The following DNAH9 variants were observed in gnomAD, a reference collection of about 807,000 sequenced individuals.
The protein encoded by DNAH9 is dynein axonemal heavy chain 9.
DNAH9 carries 345 observed loss-of-function variants against 471.6 expected under a neutral mutation model. The observed-to-expected ratio is 0.73, with a 90% CI of 0.67 to 0.80. The LOEUF is 0.80. Among genes scored for constraint, DNAH9 ranks in the 30% least tolerant of loss-of-function variants. DNAH9 has a pLI of 0.00. For missense variants in DNAH9, 5,407 were observed against 5,609.2 expected (o/e 0.96, Z 1.15); for synonymous variants, 2,093 against 2,123.6 (o/e 0.99, Z 0.40).
At chr17:11,783,571 C>A in intron 39 of DNAH9, 75 bp from the exon 40 acceptor site, 2 of 1,101,868 alleles carry the variant, frequency 1.8e-6, no homozygotes, top group South Asian at 1.4e-5. Flanking sequence ...AGGGCACATC[C>A]TACCGCACCT....
intron 6 of DNAH9, 142 bp downstream of exon 6, chr17:11,619,923 A>G: frequency 9.7e-6 from 6 of 617,214 alleles, no homozygotes; most frequent in South Asian, 5.9e-5. Context: ...TAAAGGTTCA[A>G]TTGGCCAGTC....
At chr17:11,621,854 G>A (rs544323849) in intron 6 of DNAH9, among the ~76,000 whole-genome samples, 37 of 152,266 alleles carry the variant, frequency 2.4e-4, no homozygotes, top group Admixed American at 2.2e-3. Flanking sequence ...GGCCGAGGCA[G>A]GTGGATCACA....
intron 38 of DNAH9, among the ~76,000 whole-genome samples, chr17:11,769,575 G>A (rs1000136091): frequency 6.6e-6 from 1 of 152,218 alleles, no homozygotes; most frequent in Non-Finnish European, 1.5e-5. Flanking sequence ...TTCCTCAAGA[G>A]CAAGGTGTTC....
At chr17:11,812,355 G>T (rs1455577994) in intron 45 of DNAH9, among the ~76,000 whole-genome samples, 1 of 150,720 alleles carries the variant, frequency 6.6e-6, no homozygotes, top group Admixed American at 6.7e-5. Flanking sequence ...AAGGACCATG[G>T]TCACAAGTAC....
At chr17:11,951,405 G>A (rs943747668) in intron 67 of DNAH9, among the ~76,000 whole-genome samples, 1 of 152,294 alleles carries the variant, frequency 6.6e-6, no homozygotes, top group Non-Finnish European at 1.5e-5. Flanking sequence ...TGTAAGCCAG[G>A]CATGGTGGCT....
At chr17:11,821,359 A>G (rs1337130139) in intron 45 of DNAH9, among the ~76,000 whole-genome samples, 7 of 151,640 alleles carry the variant, frequency 4.6e-5, no homozygotes, top group Non-Finnish European at 8.8e-5. Context: ...ATGCAGTACC[A>G]TATATTGAAG....
At position 11,744,820 on chromosome 17, in the gene DNAH9, G is replaced by A. The variant is rs758998928; in HGVS notation, c.6135G>A (p.Arg2045=). ...SKQDHYDWGL[R]AIKSVLVVAG... ...AGGATCACTACGACTGGGGCCTACG[G>A]GCCATCAAGTCCGTGCTGGTGGTGG... The change falls in exon 31 of 69, where the codon CGG becomes CGA. Residue 2045 remains arginine, a synonymous_variant. Coordinates refer to ENST00000262442, the MANE Select transcript of DNAH9 (RefSeq NM_001372.4). 2 of 1,613,592 alleles carry A rather than the reference G, an allele frequency of 1.2e-6. No individual in the cohort carries two copies. The highest frequency in any genetic ancestry group is 1.1e-5 in the South Asian group (1 of 91,068).
intron 38 of DNAH9, among the ~76,000 whole-genome samples, chr17:11,770,538 C>T (rs1014377848): frequency 2.6e-5 from 4 of 152,128 alleles, no homozygotes; most frequent in Non-Finnish European, 4.4e-5. Context: ...ACCCGCCCTT[C>T]GATGGCAGAG....
In DNAH9 at chr17:11,651,112, A is replaced by T; in HGVS notation, c.2141A>T (p.Glu714Val). ...GAAATGAGCTATCTTGAACCCAGAG[A>T]GATGAAACACATGCCTGAGACAGCA... Reference protein sequence around the residue: ...LKEMSYLEPREMKHMPETAAA... With the variant: ...LKEMSYLEPRVMKHMPETAAA... The change falls in exon 13 of 69, where the codon GAG becomes GTG. Residue 714 changes from glutamate (E) to valine (V), a missense_variant. Physicochemically the swap from Glu to Val is moderately radical, Grantham distance 121 (BLOSUM62 -2). Around this residue, in one of 3 missense-constraint regions of DNAH9, gnomAD observed 4,636 missense variants for 4,900.3 expected, o/e 0.95. Coordinates refer to ENST00000262442, the MANE Select transcript of DNAH9 (RefSeq NM_001372.4). 1 of 1,614,108 alleles carries T rather than the reference A, an allele frequency of 6.2e-7. No homozygotes were observed. Among genetic ancestry groups the T allele is most frequent in the Non-Finnish European group, 8.5e-7 (1 of 1,180,002 alleles).
chr17:11,905,107 G>C (rs34299312), intron 60 of DNAH9, among the ~76,000 whole-genome samples: 1 of 151,836 alleles, frequency 6.6e-6, no homozygotes, highest in Non-Finnish European at 1.5e-5. Context: ...GGTGGCAGGC[G>C]CCTGTAGTCC....
intron 54 of DNAH9, among the ~76,000 whole-genome samples, chr17:11,880,864 A>G (rs1432382789): frequency 6.6e-6 from 1 of 152,186 alleles, no homozygotes; most frequent in Non-Finnish European, 1.5e-5. Flanking sequence ...TTGCTGGCGT[A>G]TAAAGCACGT....
At chr17:11,921,744 A>G (rs940360733) in intron 61 of DNAH9, among the ~76,000 whole-genome samples, 23 of 152,218 alleles carry the variant, frequency 1.5e-4, no homozygotes, top group Non-Finnish European at 2.4e-4. Context: ...CCCCTTCTCA[A>G]TGTTTCCAAG....
intron 26 of DNAH9, among the ~76,000 whole-genome samples, chr17:11,717,350 T>C (rs1392012399): frequency 1.3e-5 from 2 of 149,314 alleles, no homozygotes; most frequent in Admixed American, 6.7e-5. Context: ...CTGAGCAACA[T>C]AGTGAGACCC....
chr17:11,709,399 C>T (rs1055879424), intron 26 of DNAH9, among the ~76,000 whole-genome samples: 1 of 151,952 alleles, frequency 6.6e-6, no homozygotes, highest in Non-Finnish European at 1.5e-5. Context: ...GTTTTTTGCA[C>T]AGAAAAAAAT....
intron 67 of DNAH9, among the ~76,000 whole-genome samples, chr17:11,952,625 G>T (rs1034131695): frequency 2.0e-5 from 3 of 152,074 alleles, no homozygotes; most frequent in African/African-American, 7.2e-5. Flanking sequence ...GTTTGCTAAA[G>T]AGACTATCAG....
In DNAH9 at chr17:11,875,057, G is replaced by A. The variant is rs1234692705; in HGVS notation, c.10351G>A (p.Glu3451Lys). ...CCTCCCAGCCGACCGCATGTCCGTG[G>A]AGAATGCCACCATTCTCATCAACTG... ...EGLPADRMSV[E>K]NATILINCER... Residue 3451 changes from glutamate to lysine, a missense_variant, in exon 53 of 69, where the codon GAG becomes AAG. By Grantham distance (56) the Glu-to-Lys change is moderately conservative. Coordinates refer to ENST00000262442, the MANE Select transcript of DNAH9 (RefSeq NM_001372.4). 1.2e-6 allele frequency: 2 copies of A among 1,614,034 alleles called. No homozygotes were observed. Among genetic ancestry groups the A allele is most frequent in the South Asian group, 1.1e-5 (1 of 91,076 alleles).
At chr17:11,949,256 CAG>C (rs1311115679) in intron 67 of DNAH9, among the ~76,000 whole-genome samples, 3 of 152,190 alleles carry the variant, frequency 2.0e-5, no homozygotes, top group Non-Finnish European at 2.9e-5. Flanking sequence ...GTAGTTCTCC[CAG>C]AGTTTCATTG....
intron 60 of DNAH9, among the ~76,000 whole-genome samples, chr17:11,904,318 A>G (rs1973512702): frequency 6.6e-6 from 1 of 152,122 alleles, no homozygotes; most frequent in South Asian, 2.1e-4. Flanking sequence ...AGGGGAAATG[A>G]GCCTCTGAGG....
intron 49 of DNAH9, among the ~76,000 whole-genome samples, chr17:11,843,863 G>GTGTGTGTGTGTGTATATATA (rs1253794533): frequency 2.0e-3 from 91 of 46,462 alleles, no homozygotes; most frequent in Non-Finnish European, 3.3e-3. Flanking sequence ...GTGTGTGTGT[G>GTGTGTGTGTGTGTATATATA]TATATATATA....
Sources: gnomAD v4.1 joint callset for allele counts (sites outside exome capture counted in the v4.1 genomes callset) on GRCh38, gnomAD v4.1.1 for gene constraint, gnomAD v4.1.1 regional missense constraint, MANE v1.5 for transcripts, NCBI Gene and HGNC (gene_info 2026-07-23, HGNC 2026-07-21) for gene names.